The following DNAH17 variants were observed in gnomAD, a reference collection of about 807,000 sequenced individuals.
DNAH17 encodes the protein dynein axonemal heavy chain 17.
Under a neutral mutation model 485.6 loss-of-function variants are expected in DNAH17, and 376 were observed. That is an observed-to-expected ratio of 0.77 (90% CI 0.71 to 0.84). DNAH17 has a LOEUF of 0.84. DNAH17 is among the 40% of genes least tolerant of loss of function. The pLI is 0.00. For missense variants in DNAH17, 6,370 were observed against 5,839.3 expected, an observed-to-expected ratio of 1.09 and a Z score of -2.96; for synonymous variants, 3,031 against 2,405.9, an observed-to-expected ratio of 1.26 and a Z score of -7.60.
At chr17:78,476,013 C>T (rs1045847623) in intron 52 of DNAH17, among the ~76,000 whole-genome samples, 180 bp from the exon 53 acceptor site, 2 of 152,112 alleles carry the variant, frequency 1.3e-5, no homozygotes, top group Non-Finnish European at 2.9e-5. Context: ...GGCAAAATTT[C>T]CTAGAGTGGG....
chr17:78,473,639 G>C (rs763880038), intron 54 of DNAH17, among the ~76,000 whole-genome samples: 10 of 151,274 alleles, frequency 6.6e-5, no homozygotes, highest in Non-Finnish European at 1.2e-4. Context: ...AGATCACAGA[G>C]CCACAGCAGC....
At chr17:78,466,843 G>C (rs746976086) in intron 55 of DNAH17, 27 bp from the exon 56 acceptor site, 1 of 1,536,422 alleles carries the variant, frequency 6.5e-7, no homozygotes, top group Non-Finnish European at 8.8e-7. Context: ...CAGATGCGCT[G>C]CCTACTGGGA....
In DNAH17 at chr17:78,542,179, C is replaced by T. The variant is rs1038162952; in HGVS notation, c.2532+1678G>A. ...TTTTTTTTTCTGAGGTGGAGTCTCA[C>T]TCTTGTCGCCCAGGCTGGAATGCAG... On this transcript the variant is annotated intron_variant, in intron 17 of 80. Coordinates refer to ENST00000389840, the MANE Select transcript of DNAH17 (RefSeq NM_173628.4). Among the ~76,000 whole-genome samples the T allele has an allele frequency of 5.5e-5, 8 of 145,144 alleles. No individual in the cohort carries two copies. In the East Asian group the frequency reaches 6.1e-4, roughly 11 times the overall value.
At chr17:78,494,498 G>T (rs1479935892) in intron 40 of DNAH17, 95 bp downstream of exon 40, 3 of 1,353,076 alleles carry the variant, frequency 2.2e-6, no homozygotes, top group Admixed American at 1.9e-5. Flanking sequence ...AAACGTGCGT[G>T]TGTGACACGG....
intron 14 of DNAH17, among the ~76,000 whole-genome samples, chr17:78,556,037 G>C (rs1004279966): frequency 6.6e-5 from 10 of 152,074 alleles, no homozygotes; most frequent in Non-Finnish European, 4.4e-5. Context: ...CTCTGTAATT[G>C]CGTGAGGCAA....
At chr17:78,503,795 G>A (rs1055031874) in intron 31 of DNAH17, among the ~76,000 whole-genome samples, 21 of 152,004 alleles carry the variant, frequency 1.4e-4, no homozygotes, top group African/African-American at 4.3e-4. Context: ...GTGAAAACCC[G>A]TCTCTACTAA....
At chr17:78,506,677 A>G in intron 30 of DNAH17, 43 bp downstream of exon 30, 1 of 1,612,838 alleles carries the variant, frequency 6.2e-7, no homozygotes, top group South Asian at 1.1e-5. Flanking sequence ...GGGGTCTGGC[A>G]TGATGTTGGC....
chr17:78,463,175 C>G (rs1007228911), intron 56 of DNAH17, 98 bp from the exon 57 acceptor site: 3 of 1,093,858 alleles, frequency 2.7e-6, no homozygotes, highest in Middle Eastern at 2.2e-4. Context: ...ACAAGGTGCC[C>G]TGAGACCGCT....
intron 4 of DNAH17, 51 bp downstream of exon 4, chr17:78,571,539 G>GTCGA: frequency 6.2e-7 from 1 of 1,601,850 alleles, no homozygotes; most frequent in African/African-American, 1.3e-5. Flanking sequence ...GCTCGGCCCG[G>GTCGA]TCGCCCAGCT....
intron 26 of DNAH17, chr17:78,510,710 C>T (rs2090611016): frequency 3.1e-6 from 2 of 638,630 alleles, no homozygotes; most frequent in Non-Finnish European, 5.3e-6. Flanking sequence ...CCCTGTAAAA[C>T]CGCATAAGAG....
chr17:78,425,941 T>G (rs532709204), intron 79 of DNAH17, among the ~76,000 whole-genome samples: 6 of 152,150 alleles, frequency 3.9e-5, no homozygotes, highest in African/African-American at 1.2e-4. Context: ...TATTTTTGTA[T>G]TTTTAGAGAT....
intron 47 of DNAH17, chr17:78,485,234 C>T (rs2089546189): frequency 1.4e-6 from 1 of 697,858 alleles, no homozygotes; most frequent in East Asian, 2.8e-5. Flanking sequence ...CGATCAGAGG[C>T]GAGGGTGGCA....
intron 25 of DNAH17, among the ~76,000 whole-genome samples, chr17:78,519,090 C>T (rs1488510168): frequency 7.0e-6 from 1 of 142,520 alleles, no homozygotes; most frequent in Non-Finnish European, 1.5e-5. Context: ...ATGGCGTGAA[C>T]CCAGGAGGTG....
At chr17:78,458,399 G>A (rs2087914420) in intron 62 of DNAH17, 166 bp downstream of exon 62, 2 of 629,016 alleles carry the variant, frequency 3.2e-6, no homozygotes, top group South Asian at 1.9e-5. Flanking sequence ...CACTGACTAT[G>A]CAAGAGGCCA....
chr17:78,490,466 G>A lies in DNAH17; in HGVS notation c.6818+233C>T, dbSNP rs548810323. Reference sequence around the variant, plus strand: ...CTTCCCACACCAGCCCTTGTTCCCTGGCACTTTGTGCAAACATCCGTTTGC... The same window carrying A: ...CTTCCCACACCAGCCCTTGTTCCCTAGCACTTTGTGCAAACATCCGTTTGC... On this transcript the variant is annotated intron_variant, in intron 44 of 80. Transcript: ENST00000389840. Among the ~76,000 whole-genome samples the A allele has an allele frequency of 2.6e-5, 4 of 152,304 alleles. No individual in the cohort carries two copies. The East Asian group carries it at 5.8e-4, about 22-fold the overall frequency.
intron 14 of DNAH17, among the ~76,000 whole-genome samples, chr17:78,553,296 T>TTG (rs2091947877): frequency 6.3e-5 from 3 of 47,828 alleles, no homozygotes; most frequent in African/African-American, 1.5e-4. Flanking sequence ...TTTTTTTTTT[T>TTG]TTTTTTTTTT....
chr17:78,540,733 A>G (rs1342709886), intron 17 of DNAH17, among the ~76,000 whole-genome samples: 1 of 1,280 alleles, frequency 7.8e-4, no homozygotes, highest in Non-Finnish European at 1.9e-3. Context: ...ATGTGTGAGT[A>G]GATGGGTGAG....
chr17:78,433,032 A>G (rs970906298), intron 75 of DNAH17, among the ~76,000 whole-genome samples: 1 of 150,080 alleles, frequency 6.7e-6, no homozygotes, highest in African/African-American at 2.4e-5. Context: ...CTTTCTTCCC[A>G]TCCCCCTCCC....
At chr17:78,490,468 C>A (rs2089799107) in intron 44 of DNAH17, among the ~76,000 whole-genome samples, 1 of 152,234 alleles carries the variant, frequency 6.6e-6, no homozygotes, top group African/African-American at 2.4e-5. Context: ...TGTTCCCTGG[C>A]ACTTTGTGCA....
Sources: allele counts gnomAD v4.1 joint callset (sites outside exome capture counted in the v4.1 genomes callset), GRCh38; gene constraint gnomAD v4.1.1; transcripts MANE v1.5; gene names NCBI Gene and HGNC (gene_info 2026-07-23, HGNC 2026-07-21).